The following MAGEB17 variants were observed in gnomAD, a reference collection of about 807,000 sequenced individuals.
MAGEB17 encodes MAGE family member B17.
For synonymous variants in MAGEB17, 110 were observed against 112.4 expected, an observed-to-expected ratio of 0.98 and a Z score of 0.13; for missense variants, 251 against 281.4, an observed-to-expected ratio of 0.89 and a Z score of 0.77.
Position 16,170,313 on chromosome X carries a change from A to G in MAGEB17, c.-49-21A>G. ...TATCTCCCCACTGAGGGGCTCACAC[A>G]CTCTGTTCCTCCTGCTCCAGGTGCC... is the stretch of plus-strand genomic sequence containing the variant. On this transcript the variant is annotated intron_variant, in intron 1 of 1. Transcript: ENST00000400004. 2.7e-6 allele frequency: 3 copies of G among 1,114,125 alleles called. No individual in the cohort carries two copies. In the South Asian group the frequency reaches 6.6e-5, roughly 24 times the overall value. The allele number at this position is 1,114,125 out of a possible 1,213,427, so 91.8% of individuals were successfully genotyped here. A position where few individuals can be genotyped will look rare whatever the true frequency, so the allele number is the denominator to read the frequency against.
Position 16,171,213 on chromosome X carries a change from C to T in MAGEB17, c.831C>T (p.Ala277=). ...ACGAGTTCCTGTGGGGTCCCAGGGC[C>T]CGTGCTGAAACCAGCAAAATGAAAG... ...PRYEFLWGPR[A]RAETSKMKVL... The change falls in exon 2 of 2, where the codon GCC becomes GCT. Residue 277 remains alanine (A), a synonymous_variant. Coordinates refer to ENST00000400004, the MANE Select transcript of MAGEB17 (RefSeq NM_001277307.2). 8.3e-7 allele frequency: 1 copy of T among 1,210,120 alleles called. No individual in the cohort carries two copies.
rs1334587376 is a variant in MAGEB17 at position 16,167,669 on chromosome X, T to A, written c.-164T>A. On this transcript the variant is annotated 5_prime_UTR_variant, in exon 1 of 2. The change creates a new upstream start codon in the 5' untranslated region. Transcript: ENST00000400004. ...CCTGGGAGACCCAGCAGGGACTTGA[T>A]TGGATGTGGCTCACTCCGACATCCG... 1.8e-5 allele frequency: 2 copies of A among 111,313 alleles called. No individual in the cohort carries two copies. Among genetic ancestry groups the A allele is most frequent in the African/African-American group, 6.5e-5 (2 of 30,542 alleles). 9.2% of individuals were successfully genotyped at this position (111,313 alleles called of 1,213,427 possible). A position where few individuals can be genotyped will look rare whatever the true frequency, so the allele number is the denominator to read the frequency against.
chrX:16,170,725 G>T lies in MAGEB17; in HGVS notation c.343G>T (p.Glu115Ter). Residue 115 changes from glutamate to a stop codon, truncating the protein, a stop_gained, in exon 2 of 2, where the codon GAA becomes TAA. Transcript: ENST00000400004. LOFTEE classifies it low-confidence loss of function (END_TRUNC). ...GRDLLNTKTGELVQFLLNKYI... is the reference protein window; with the variant it reads ...GRDLLNTKTG ...AGATCTTCTGAACACGAAGACGGGCGAATTGGTGCAGTTCCTCCTCAACAA... is the reference window on the plus strand; with the variant it reads ...AGATCTTCTGAACACGAAGACGGGCTAATTGGTGCAGTTCCTCCTCAACAA... 1 of 1,167,323 alleles carries T rather than the reference G, an allele frequency of 8.6e-7. No individual in the cohort carries two copies. The highest frequency in any genetic ancestry group is 1.9e-5 in the South Asian group (1 of 52,738).
Position 16,171,243 on chromosome X carries a change from G to A in MAGEB17, c.861G>A (p.Leu287=), listed in dbSNP as rs1447897410. 1 of 1,208,183 alleles carries A rather than the reference G, an allele frequency of 8.3e-7. No individual in the cohort carries two copies. The change falls in exon 2 of 2, where the codon CTG becomes CTA. Residue 287 remains leucine, a synonymous_variant. Coordinates refer to ENST00000400004, the MANE Select transcript of MAGEB17 (RefSeq NM_001277307.2). ...ARAETSKMKV[L]EFVAKLNDTV... ...CTGAAACCAGCAAAATGAAAGTCCTGGAGTTTGTGGCCAAGCTCAATGATA... is the reference window on the plus strand; with the variant it reads ...CTGAAACCAGCAAAATGAAAGTCCTAGAGTTTGTGGCCAAGCTCAATGATA...
In MAGEB17 at chrX:16,171,201, G is replaced by C; in HGVS notation, c.819G>C (p.Trp273Cys). Reference sequence around the variant, plus strand: ...ATCCTCCACGCTACGAGTTCCTGTGGGGTCCCAGGGCCCGTGCTGAAACCA... The same window carrying C: ...ATCCTCCACGCTACGAGTTCCTGTGCGGTCCCAGGGCCCGTGCTGAAACCA... ...SSDPPRYEFL[W>C]GPRARAETSK... Residue 273 changes from tryptophan (W) to cysteine (C), a missense_variant, in exon 2 of 2, where the codon TGG becomes TGC. By Grantham distance (215) the Trp-to-Cys change is radical. Coordinates refer to ENST00000400004, the MANE Select transcript of MAGEB17 (RefSeq NM_001277307.2). The C allele has an allele frequency of 8.3e-7, 1 of 1,210,254 alleles. No homozygotes were observed. Among genetic ancestry groups the C allele is most frequent in the Non-Finnish European group, 1.1e-6 (1 of 894,833 alleles).
Position 16,167,582 on chromosome X carries a change from TA to T in MAGEB17, c.-250del, listed in dbSNP as rs1569131125. On this transcript the variant is annotated 5_prime_UTR_variant, in exon 1 of 2. Transcript: ENST00000400004. Reference sequence around the variant, plus strand: ...TTGGAGTCCCGGAGAGGACACTGAGTACACTGGAGAGGACTTCTATGCAAAA... The same window carrying T: ...TTGGAGTCCCGGAGAGGACACTGAGTCACTGGAGAGGACTTCTATGCAAAA... 3 of 109,990 alleles carry T rather than the reference TA, an allele frequency of 2.7e-5. No individual in the cohort carries two copies. The Admixed American group carries it at 2.9e-4, about 11-fold the overall frequency. The allele number at this position is 109,990 out of a possible 1,213,427, so 9.1% of individuals were successfully genotyped here. A position where few individuals can be genotyped will look rare whatever the true frequency, so the allele number is the denominator to read the frequency against.
rs1185010505 is a variant in MAGEB17 at position 16,170,669 on chromosome X, A to G, written c.287A>G (p.His96Arg). The G allele has an allele frequency of 8.6e-6, 10 of 1,165,481 alleles. No individual in the cohort carries two copies. The highest frequency in any genetic ancestry group is 2.6e-5 in the Admixed American group (1 of 38,588). ...GQKGESPNSF[H>R]GPSSSESTGR... ...AAGGGGGAAAGTCCCAACTCCTTCC[A>G]TGGCCCGTCCTCCTCTGAGAGCACA... The change falls in exon 2 of 2, where the codon CAT becomes CGT. Residue 96 changes from histidine to arginine, a missense_variant. Physicochemically the swap from His to Arg is conservative, Grantham distance 29. Transcript: ENST00000400004.
intron 1 of MAGEB17, among the ~76,000 whole-genome samples, chrX:16,168,027 G>A (rs1922977507): frequency 1.8e-5 from 2 of 111,876 alleles, no homozygotes; most frequent in Non-Finnish European, 3.8e-5. Flanking sequence ...ATGCTGATGA[G>A]GAGACCTCTC....
Position 16,171,137 on chromosome X carries a change from G to C in MAGEB17, c.755G>C (p.Arg252Pro). Reference sequence around the variant, plus strand: ...GAGCTTGTCACCAAAGATTTGGTGCGAGAGGGGTACCTGGAGTACCAGCAG... The same window carrying C: ...GAGCTTGTCACCAAAGATTTGGTGCCAGAGGGGTACCTGGAGTACCAGCAG... Reference protein sequence around the residue: ...PQELVTKDLVREGYLEYQQVP... With the variant: ...PQELVTKDLVPEGYLEYQQVP... Residue 252 changes from arginine to proline, a missense_variant, in exon 2 of 2, where the codon CGA becomes CCA. Coordinates refer to ENST00000400004, the MANE Select transcript of MAGEB17 (RefSeq NM_001277307.2). 1 of 1,211,065 alleles carries C rather than the reference G, an allele frequency of 8.3e-7. No homozygotes were observed. Among genetic ancestry groups the C allele is most frequent in the East Asian group, 3.0e-5 (1 of 33,839 alleles).
Position 16,170,499 on chromosome X carries a change from A to T in MAGEB17, c.117A>T (p.Pro39=), listed in dbSNP as rs1569131694. 3.4e-6 allele frequency: 4 copies of T among 1,166,691 alleles called. No homozygotes were observed. In the South Asian group the frequency reaches 7.6e-5, roughly 22 times the overall value. The change falls in exon 2 of 2, where the codon CCA becomes CCT. Residue 39 remains proline (P), a synonymous_variant. Coordinates refer to ENST00000400004, the MANE Select transcript of MAGEB17 (RefSeq NM_001277307.2). ...CCGCAGCAGAGAAGGAAAAGCTGCC[A>T]TCCTCCTCCTCTCCTGCATGCCAGA... is the stretch of plus-strand genomic sequence containing the variant. ...QATAAEKEKL[P]SSSSPACQSP... is the part of the protein sequence containing the mutation.
chrX:16,169,958 C>T (rs1013347199), intron 1 of MAGEB17, among the ~76,000 whole-genome samples: 3 of 110,866 alleles, frequency 2.7e-5, no homozygotes, highest in Non-Finnish European at 5.7e-5. Context: ...GGGCCTTGAC[C>T]TGAAGGGAAG....
Position 16,171,126 on chromosome X carries a change from A to C in MAGEB17, c.744A>C (p.Lys248Asn), listed in dbSNP as rs949308886. 2 of 1,208,702 alleles carry C rather than the reference A, an allele frequency of 1.7e-6. No homozygotes were observed. The highest frequency in any genetic ancestry group is 3.5e-5 in the African/African-American group (2 of 57,185). ...GGGAGCCCCAGGAGCTTGTCACCAA[A>C]GATTTGGTGCGAGAGGGGTACCTGG... ...IYGEPQELVT[K>N]DLVREGYLEY... is the part of the protein sequence containing the mutation. The change falls in exon 2 of 2, where the codon AAA (lysine) becomes AAC (asparagine). Residue 248 changes from lysine to asparagine, a missense_variant. Transcript: ENST00000400004.
At chrX:16,168,579 C>A (rs930644296) in intron 1 of MAGEB17, 1 of 112,364 alleles carries the variant, frequency 8.9e-6, no homozygotes, top group Non-Finnish European at 1.9e-5. Context: ...CCACCCTGAG[C>A]CAGGTTCAGA....
At position 16,167,772 on chromosome X, in the gene MAGEB17, T is replaced by G. The variant is rs1006839963; in HGVS notation, c.-61T>G. ...CAGGCTACCAGAACCCCAAGACTGG[T>G]TGGGTATCAAGGTAAGGACCCTGAT... On this transcript the variant is annotated 5_prime_UTR_variant, in exon 1 of 2. Coordinates refer to ENST00000400004, the MANE Select transcript of MAGEB17 (RefSeq NM_001277307.2). The G allele has an allele frequency of 1.5e-4, 17 of 111,568 alleles. No individual in the cohort carries two copies. The highest frequency in any genetic ancestry group is 5.6e-4 in the African/African-American group (17 of 30,613). The allele number at this position is 111,568 out of a possible 1,213,427, so 9.2% of individuals were successfully genotyped here.
intron 1 of MAGEB17, among the ~76,000 whole-genome samples, chrX:16,169,793 T>C (rs1923017740): frequency 9.0e-6 from 1 of 111,124 alleles, no homozygotes; most frequent in South Asian, 3.9e-4. Flanking sequence ...ACATTCTGCC[T>C]AAGTGAGGAC....
chrX:16,171,455 G>A lies in MAGEB17; in HGVS notation c.*62G>A. ...GCCTGTCCACCATCTCAGTATTTGG[G>A]GGTGAGGTGGGGAGCCCAAGACGTG... On this transcript the variant is annotated 3_prime_UTR_variant, in exon 2 of 2. Transcript: ENST00000400004. 1 of 1,054,904 alleles carries A rather than the reference G, an allele frequency of 9.5e-7. No homozygotes were observed. Among genetic ancestry groups the A allele is most frequent in the Non-Finnish European group, 1.2e-6 (1 of 818,155 alleles). The allele number at this position is 1,054,904 out of a possible 1,213,427, so 86.9% of individuals were successfully genotyped here.
In MAGEB17 at chrX:16,171,136, C is replaced by T. The variant is rs759671970; in HGVS notation, c.754C>T (p.Arg252Ter). The change falls in exon 2 of 2, where the codon CGA becomes TGA. Residue 252 changes from arginine (R) to a stop codon, truncating the protein, a stop_gained. Transcript: ENST00000400004. LOFTEE classifies it low-confidence loss of function (END_TRUNC). ...PQELVTKDLVREGYLEYQQVP... is the reference protein window; with the variant it reads ...PQELVTKDLV Reference sequence around the variant, plus strand: ...GGAGCTTGTCACCAAAGATTTGGTGCGAGAGGGGTACCTGGAGTACCAGCA... The same window carrying T: ...GGAGCTTGTCACCAAAGATTTGGTGTGAGAGGGGTACCTGGAGTACCAGCA... 2.5e-6 allele frequency: 3 copies of T among 1,208,912 alleles called. No individual in the cohort carries two copies. Among genetic ancestry groups the T allele is most frequent in the Non-Finnish European group, 3.4e-6 (3 of 894,709 alleles).
chrX:16,170,853 C>A lies in MAGEB17; in HGVS notation c.471C>A (p.Asn157Lys), dbSNP rs764742842. ...FPEILRRSTE[N>K]VEVVFGLYLK... is the part of the protein sequence containing the mutation. The stretch of plus-strand genomic sequence containing the variant: ...AGATCCTCCGGAGAAGCACTGAGAA[C>A]GTAGAGGTGGTCTTTGGCCTCTACC... The change falls in exon 2 of 2, where the codon AAC becomes AAA. Residue 157 changes from asparagine (N) to lysine (K), a missense_variant. Coordinates refer to ENST00000400004, the MANE Select transcript of MAGEB17 (RefSeq NM_001277307.2). 1.7e-6 allele frequency: 2 copies of A among 1,167,210 alleles called. No individual in the cohort carries two copies. Among genetic ancestry groups the A allele is most frequent in the Admixed American group, 5.2e-5 (2 of 38,830 alleles).
At chrX:16,169,351 G>A (rs1601952725) in intron 1 of MAGEB17, among the ~76,000 whole-genome samples, 1 of 111,877 alleles carries the variant, frequency 8.9e-6, no homozygotes, top group South Asian at 3.7e-4. Context: ...TTAAGCTCTT[G>A]CCAGGAGTCA....
Sources: allele counts gnomAD v4.1 joint callset (sites outside exome capture counted in the v4.1 genomes callset), GRCh38; gene constraint gnomAD v4.1.1; transcripts MANE v1.5; gene names NCBI Gene and HGNC (gene_info 2026-07-23, HGNC 2026-07-21).